Variants in STXBP4 observed in about 807,000 individuals in gnomAD.
STXBP4 encodes syntaxin-binding protein 4.
STXBP4 carries 55 observed loss-of-function variants against 76.1 expected under a neutral mutation model. That is an observed-to-expected ratio of 0.72 (90% CI 0.58 to 0.91). The LOEUF is 0.91. Ranked by LOEUF, STXBP4 falls within the 40% of genes least tolerant of loss-of-function variation. The pLI, the probability that STXBP4 is intolerant of heterozygous loss-of-function variation, is 0.00. For missense variants in STXBP4, 618 were observed against 636.9 expected (o/e 0.97, Z 0.32); for synonymous variants, 201 against 220.2 (o/e 0.91, Z 0.77).
intron 8 of STXBP4, among the ~76,000 whole-genome samples, chr17:55,014,645 C>T (rs1054159866): frequency 6.6e-6 from 1 of 152,104 alleles, no homozygotes; most frequent in Non-Finnish European, 1.5e-5. Context: ...CTTCCCTGGG[C>T]ACCTTCAGTC....
rs745456412 is a variant in STXBP4, at chr17:55,150,796, T to C, written c.1548-9001T>C. Among the ~76,000 whole-genome samples the C allele has an allele frequency of 3.0e-4, 45 of 152,252 alleles. 1 individual carries two copies. Among genetic ancestry groups the C allele is most frequent in the Non-Finnish European group, 4.9e-4 (33 of 68,018 alleles). ...AATGGCCCTCAAAAATGTTCACATC[T>C]TATTCCCCAGCACCTGTAAGTGTGA... On this transcript the variant is annotated intron_variant, in intron 17 of 17. Coordinates refer to ENST00000376352, the MANE Select transcript of STXBP4 (RefSeq NM_178509.6).
At chr17:55,156,085 ACTGT>A (rs1278966737) in intron 17 of STXBP4, among the ~76,000 whole-genome samples, 1 of 152,192 alleles carries the variant, frequency 6.6e-6, no homozygotes, top group Non-Finnish European at 1.5e-5. Context: ...GGTCAGATGC[ACTGT>A]CTCTTTAGGA....
chr17:55,066,324 A>G (rs935647447), intron 12 of STXBP4, among the ~76,000 whole-genome samples: 7 of 152,052 alleles, frequency 4.6e-5, no homozygotes, highest in African/African-American at 1.7e-4. Context: ...CTCAAATTCA[A>G]GAGATTCTTC....
chr17:55,091,389 A>C (rs879705808), intron 16 of STXBP4, among the ~76,000 whole-genome samples: 2 of 152,158 alleles, frequency 1.3e-5, no homozygotes, highest in African/African-American at 2.4e-5. Flanking sequence ...ATAAGTATAT[A>C]CATGTATTTT....
rs1262250685 is a variant in STXBP4 at position 55,045,644 on chromosome 17, A to G, written c.946-1445A>G. Reference sequence around the variant, plus strand: ...TCAGGATTTACCTTTAAAGTTCATGAAATGTAACTGAATATACCCTGATAT... The same window carrying G: ...TCAGGATTTACCTTTAAAGTTCATGGAATGTAACTGAATATACCCTGATAT... On this transcript the variant is annotated intron_variant, in intron 11 of 17. Transcript: ENST00000376352. Among the ~76,000 whole-genome samples the G allele has an allele frequency of 4.7e-4, 72 of 152,138 alleles. 1 individual carries two copies. The highest frequency in any genetic ancestry group is 2.9e-5 in the Non-Finnish European group (2 of 67,984).
At chr17:55,032,136 C>T (rs1306710879) in intron 9 of STXBP4, among the ~76,000 whole-genome samples, 1 of 151,916 alleles carries the variant, frequency 6.6e-6, no homozygotes, top group Non-Finnish European at 1.5e-5. Flanking sequence ...TTCGTTCCAC[C>T]ACCAGTAATG....
Position 55,162,761 on chromosome 17 carries a change from C to CA in STXBP4, c.*2853dup. 6.6e-6 allele frequency: 1 copy of CA among 152,258 alleles called. No homozygotes were observed. The highest frequency in any genetic ancestry group is 1.5e-5 in the Non-Finnish European group (1 of 68,012). The allele number at this position is 152,258 out of a possible 1,614,324, so 9.4% of individuals were successfully genotyped here. A position where few individuals can be genotyped will look rare whatever the true frequency, so the allele number is the denominator to read the frequency against. On this transcript the variant is annotated 3_prime_UTR_variant, in exon 18 of 18. Transcript: ENST00000376352. Reference sequence around the variant, plus strand: ...TAATACTGTGGTGAGTGATTTTACTCAAAGGAAATCACACTATTAAGCAGC... The same window carrying CA: ...TAATACTGTGGTGAGTGATTTTACTCAAAAGGAAATCACACTATTAAGCAGC...
rs546213122 is a variant in STXBP4, at chr17:55,101,817, C to T, written c.1489+20634C>T. 3.9e-5 allele frequency among the ~76,000 whole-genome samples: 6 copies of T among 152,132 alleles called. No homozygotes were observed. In the East Asian group the frequency reaches 1.2e-3, roughly 29 times the overall value. On this transcript the variant is annotated intron_variant, in intron 16 of 17. Transcript: ENST00000376352. Reference sequence around the variant, plus strand: ...CTTCATAGTTCTCTTTATTTTTTCTCGATCTACAGAGTTGTATATAGTTTT... The same window carrying T: ...CTTCATAGTTCTCTTTATTTTTTCTTGATCTACAGAGTTGTATATAGTTTT...
At chr17:55,143,842 A>G (rs2080120171) in intron 17 of STXBP4, among the ~76,000 whole-genome samples, 1 of 152,192 alleles carries the variant, frequency 6.6e-6, no homozygotes, top group African/African-American at 2.4e-5. Context: ...AGAAAAAGAG[A>G]TGATAAAATA....
intron 12 of STXBP4, among the ~76,000 whole-genome samples, chr17:55,064,923 A>G (rs534195844): frequency 2.6e-5 from 4 of 152,324 alleles, no homozygotes; most frequent in Admixed American, 6.5e-5. Flanking sequence ...TCCCTGTAAT[A>G]TCTTTCTTTA....
chr17:55,073,881 G>A (rs376572244), intron 13 of STXBP4, among the ~76,000 whole-genome samples: 3 of 152,156 alleles, frequency 2.0e-5, no homozygotes, highest in East Asian at 1.9e-4. Context: ...CACCAGTCTC[G>A]GCCTTCCAAA....
chr17:55,127,640 T>G (rs1160702981), intron 16 of STXBP4, among the ~76,000 whole-genome samples: 1 of 152,214 alleles, frequency 6.6e-6, no homozygotes, highest in African/African-American at 2.4e-5. Context: ...TTATCTAACT[T>G]CATGAGAGCT....
At chr17:55,080,596 ATAATT>A (rs2144910444) in intron 15 of STXBP4, among the ~76,000 whole-genome samples, 1 of 152,286 alleles carries the variant, frequency 6.6e-6, no homozygotes, top group Non-Finnish European at 1.5e-5. Context: ...AAAAAATGGA[ATAATT>A]TAAGAGATAA....
chr17:55,192,952 C>T, the STXBP4 span, among the ~76,000 whole-genome samples: 1 of 152,290 alleles, frequency 6.6e-6, no homozygotes, highest in African/African-American at 2.4e-5. Context: ...AGATTTCAAA[C>T]CTGCAGCGAT....
At chr17:55,136,914 T>C (rs1373942849) in intron 16 of STXBP4, among the ~76,000 whole-genome samples, 1 of 152,080 alleles carries the variant, frequency 6.6e-6, no homozygotes, top group Non-Finnish European at 1.5e-5. Flanking sequence ...ACCAGAACCA[T>C]AAGCAATGAA....
chr17:55,023,564 CA>C (rs1347009562), intron 8 of STXBP4, among the ~76,000 whole-genome samples: 1 of 152,070 alleles, frequency 6.6e-6, no homozygotes, highest in Non-Finnish European at 1.5e-5. Flanking sequence ...TTTTGGCACT[CA>C]AAAAGTTTTG....
At chr17:55,140,764 C>G (rs1197726141) in intron 16 of STXBP4, among the ~76,000 whole-genome samples, 1 of 152,128 alleles carries the variant, frequency 6.6e-6, no homozygotes, top group South Asian at 2.1e-4. Flanking sequence ...GCACAAAATT[C>G]TTAATTAACA....
chr17:55,179,460 ACT>A, the STXBP4 span, among the ~76,000 whole-genome samples: 4 of 152,092 alleles, frequency 2.6e-5, no homozygotes, highest in African/African-American at 9.7e-5. Context: ...ATCTCATTAG[ACT>A]CTCCTATATA....
chr17:55,179,152 TA>T, the STXBP4 span, among the ~76,000 whole-genome samples: 2 of 152,198 alleles, frequency 1.3e-5, no homozygotes, highest in Non-Finnish European at 2.9e-5. Flanking sequence ...CAAAGCTACA[TA>T]TAATTTTTTT....
Sources: allele counts gnomAD v4.1 joint callset (sites outside exome capture counted in the v4.1 genomes callset), GRCh38; gene constraint gnomAD v4.1.1; transcripts MANE v1.5; gene names NCBI Gene and HGNC (gene_info 2026-07-23, HGNC 2026-07-21).